The following RAPGEF4 variants were observed in gnomAD, a reference collection of about 807,000 sequenced individuals.
The protein encoded by RAPGEF4 is RAP guanine-nucleotide-exchange factor (GEF) 4.
RAPGEF4 carries 66 observed loss-of-function variants against 147.9 expected under a neutral mutation model. The ratio of observed to expected loss-of-function variants is 0.45; its 90% CI spans 0.37 to 0.55. The LOEUF is 0.55. Ranked by LOEUF, RAPGEF4 falls within the 20% of genes least tolerant of loss-of-function variation. RAPGEF4 has a pLI of 0.00. For missense variants in RAPGEF4, 1,071 were observed against 1,257.3 expected (o/e 0.85, Z 2.24); for synonymous variants, 419 against 442.7 (o/e 0.95, Z 0.67).
chr2:172,770,825 G>A (rs756457770), intron 1 of RAPGEF4, among the ~76,000 whole-genome samples: 13 of 152,122 alleles, frequency 8.5e-5, no homozygotes, highest in Non-Finnish European at 1.6e-4. Context: ...TATACCTAAG[G>A]GACTGATTCT....
chr2:172,966,666 A>T (rs1317164659), intron 9 of RAPGEF4, among the ~76,000 whole-genome samples: 1 of 152,194 alleles, frequency 6.6e-6, no homozygotes, highest in African/African-American at 2.4e-5. Context: ...AGAGGAAAAA[A>T]CTTTAAGACA....
intron 10 of RAPGEF4, among the ~76,000 whole-genome samples, chr2:172,979,247 A>G (rs1011320690): frequency 3.3e-5 from 5 of 152,166 alleles, no homozygotes; most frequent in Admixed American, 2.0e-4. Flanking sequence ...GGGAAGGACA[A>G]CAGAGAATAA....
At chr2:173,024,216 T>C (rs1322159363) in intron 23 of RAPGEF4, among the ~76,000 whole-genome samples, 1 of 43,106 alleles carries the variant, frequency 2.3e-5, no homozygotes, top group African/African-American at 5.6e-5. Context: ...CTTTTTTTTA[T>C]TATTTTTTTT....
At chr2:172,859,885 C>T (rs527244916) in intron 4 of RAPGEF4, among the ~76,000 whole-genome samples, 5 of 152,152 alleles carry the variant, frequency 3.3e-5, no homozygotes, top group Non-Finnish European at 4.4e-5. Context: ...TATCCTTTTG[C>T]GACTCTGACT....
intron 4 of RAPGEF4, among the ~76,000 whole-genome samples, chr2:172,837,819 C>A (rs955949162): frequency 1.5e-4 from 23 of 152,150 alleles, no homozygotes; most frequent in African/African-American, 5.6e-4. Flanking sequence ...CCACCTTAGC[C>A]TCCCAAAGTG....
chr2:172,826,522 T>C (rs575655876), intron 4 of RAPGEF4, among the ~76,000 whole-genome samples: 78 of 152,352 alleles, frequency 5.1e-4, no homozygotes, highest in African/African-American at 1.8e-3. Flanking sequence ...ATAATAACTT[T>C]CACTATATAC....
At chr2:172,846,003 C>T (rs1029225574) in intron 4 of RAPGEF4, among the ~76,000 whole-genome samples, 1 of 152,166 alleles carries the variant, frequency 6.6e-6, no homozygotes, top group East Asian at 1.9e-4. Flanking sequence ...TTGTTGTTTT[C>T]AACAACATAG....
intron 29 of RAPGEF4, among the ~76,000 whole-genome samples, chr2:173,047,974 C>G (rs139983889): frequency 2.4e-4 from 36 of 152,178 alleles, no homozygotes; most frequent in Non-Finnish European, 4.4e-4. Flanking sequence ...CTGCACCTGG[C>G]CTGTTTTCTG....
At chr2:172,741,568 C>T (rs1299503241) in intron 1 of RAPGEF4, among the ~76,000 whole-genome samples, 1 of 152,204 alleles carries the variant, frequency 6.6e-6, no homozygotes, top group Non-Finnish European at 1.5e-5. Context: ...TATTCTTCCT[C>T]CTTAAATCCT....
chr2:173,004,616 ATTATTT>A (rs1694260011), intron 17 of RAPGEF4, among the ~76,000 whole-genome samples: 1 of 152,046 alleles, frequency 6.6e-6, no homozygotes, highest in Non-Finnish European at 1.5e-5. Flanking sequence ...TTTTTATGTC[ATTATTT>A]TTCTATGCCA....
chr2:172,939,945 G>T (rs905411032), intron 6 of RAPGEF4, among the ~76,000 whole-genome samples: 8 of 152,002 alleles, frequency 5.3e-5, no homozygotes, highest in African/African-American at 1.7e-4. Flanking sequence ...TGTTTATGTG[G>T]GTCTATTTTT....
At chr2:172,990,167 AAACT>A (rs1460195927) in intron 14 of RAPGEF4, among the ~76,000 whole-genome samples, 17 of 152,114 alleles carry the variant, frequency 1.1e-4, no homozygotes, top group Non-Finnish European at 1.2e-4. Flanking sequence ...TAAAATTTTT[AAACT>A]AACTATTTAC....
intron 1 of RAPGEF4, among the ~76,000 whole-genome samples, chr2:172,737,003 A>G (rs1693842743): frequency 3.3e-5 from 5 of 152,190 alleles, no homozygotes; most frequent in African/African-American, 9.7e-5. Context: ...CATATTGAAA[A>G]ATTTTCAATT....
intron 4 of RAPGEF4, among the ~76,000 whole-genome samples, chr2:172,898,374 A>G (rs1461435882): frequency 6.6e-6 from 1 of 152,154 alleles, no homozygotes; most frequent in Non-Finnish European, 1.5e-5. Context: ...ACTCAGCATT[A>G]CCAGACCGTC....
chr2:173,035,922 G>A (rs1683939063), intron 27 of RAPGEF4, among the ~76,000 whole-genome samples: 1 of 152,202 alleles, frequency 6.6e-6, no homozygotes, highest in Admixed American at 6.5e-5. Flanking sequence ...TCAGGAGGAG[G>A]AGAAGGGGTT....
intron 6 of RAPGEF4, among the ~76,000 whole-genome samples, chr2:172,928,837 A>T (rs1685636587): frequency 6.6e-6 from 1 of 152,224 alleles, no homozygotes; most frequent in Non-Finnish European, 1.5e-5. Context: ...AATAAAAGAA[A>T]TGAGTTTCTC....
intron 10 of RAPGEF4, among the ~76,000 whole-genome samples, chr2:172,971,533 C>T (rs537688551): frequency 6.6e-6 from 1 of 152,262 alleles, no homozygotes; most frequent in Non-Finnish European, 1.5e-5. Context: ...AACTTGAGTT[C>T]GTTTATTTTA....
intron 1 of RAPGEF4, among the ~76,000 whole-genome samples, chr2:172,779,602 G>A (rs1455062327): frequency 6.6e-6 from 1 of 152,170 alleles, no homozygotes; most frequent in Non-Finnish European, 1.5e-5. Flanking sequence ...GGAAACTTTG[G>A]TTTTTACTCT....
At chr2:172,799,524 G>A (rs192066214) in intron 3 of RAPGEF4, among the ~76,000 whole-genome samples, 118 of 152,184 alleles carry the variant, frequency 7.8e-4, no homozygotes, top group Middle Eastern at 3.4e-3. Context: ...TGTCCTGGTG[G>A]GGACTCTCTG....
Sources: allele counts gnomAD v4.1 joint callset (sites outside exome capture counted in the v4.1 genomes callset), GRCh38; gene constraint gnomAD v4.1.1; transcripts MANE v1.5; gene names NCBI Gene and HGNC (gene_info 2026-07-23, HGNC 2026-07-21).